Variants in TTC6 observed in about 807,000 individuals in gnomAD.
The protein encoded by TTC6 is tetratricopeptide repeat protein 6.
TTC6 carries 172 observed loss-of-function variants against 210.4 expected under a neutral mutation model. The observed-to-expected ratio is 0.82, with a 90% CI of 0.72 to 0.93. The LOEUF (loss-of-function observed/expected upper bound fraction) is 0.93. Ranked by LOEUF, TTC6 falls within the 40% of genes least tolerant of loss-of-function variation. The pLI, the probability that TTC6 is intolerant of heterozygous loss-of-function variation, is 0.00. For synonymous variants in TTC6, 804 were observed against 819.6 expected, an observed-to-expected ratio of 0.98 and a Z score of 0.32; for missense variants, 2,414 against 2,318.1, an observed-to-expected ratio of 1.04 and a Z score of -0.85.
chr14:37,684,040 A>G (rs1438451255), intron 3 of TTC6, among the ~76,000 whole-genome samples: 3 of 152,016 alleles, frequency 2.0e-5, no homozygotes, highest in African/African-American at 7.2e-5. Context: ...ACTGAGGTCA[A>G]CTGGCCATTC....
intron 1 of TTC6, among the ~76,000 whole-genome samples, chr14:37,652,925 T>G (rs1428916171): frequency 6.6e-6 from 1 of 152,260 alleles, no homozygotes; most frequent in Non-Finnish European, 1.5e-5. Context: ...AAGTAGCTGC[T>G]TTTTCCTATA....
chr14:37,613,802 T>C lies in TTC6; in HGVS notation c.-155+7060T>C, dbSNP rs2095638364. Reference sequence around the variant, plus strand: ...ATTGTCCTTTAGTATCTTTAGGTTTTATAGTGAAATCCTCTTTCATTCCTG... The same window carrying C: ...ATTGTCCTTTAGTATCTTTAGGTTTCATAGTGAAATCCTCTTTCATTCCTG... On this transcript the variant is annotated intron_variant, in intron 2 of 2. Transcript: ENST00000556845. Among the ~76,000 whole-genome samples, 2 of 152,104 alleles carry C rather than the reference T, an allele frequency of 1.3e-5. 1 individual carries two copies. Among genetic ancestry groups the C allele is most frequent in the South Asian group, 4.1e-4 (2 of 4,832 alleles).
intron 6 of TTC6, 111 bp downstream of exon 8, chr14:37,714,907 G>T: frequency 9.9e-7 from 1 of 1,012,044 alleles, no homozygotes; most frequent in Non-Finnish European, 1.4e-6. Flanking sequence ...GCCAGGTGTG[G>T]TAGCTCACGC....
intron 14 of TTC6, among the ~76,000 whole-genome samples, chr14:37,786,382 G>A (rs1012606523): frequency 6.6e-6 from 1 of 152,224 alleles, no homozygotes; most frequent in African/African-American, 2.4e-5. Context: ...AGACTGCTGT[G>A]CTAGCAGTGA....
chr14:37,624,842 C>T (rs1280472974), intron 1 of TTC6, among the ~76,000 whole-genome samples: 2 of 152,020 alleles, frequency 1.3e-5, no homozygotes, highest in African/African-American at 2.4e-5. Flanking sequence ...AGGATGGTCT[C>T]GATCTCCTGA....
Position 37,682,757 on chromosome 14 carries a change from G to A in TTC6, c.1051-1G>A. 1 of 1,535,022 alleles carries A rather than the reference G, an allele frequency of 6.5e-7. No individual in the cohort carries two copies. Among genetic ancestry groups the A allele is most frequent in the Non-Finnish European group, 8.7e-7 (1 of 1,146,332 alleles). ...TCTTGCACATTTACTTTTTCCAACA[G>A]AGCGTGCATAAGGAACTTTCTGAAA... On this transcript the variant is annotated splice_acceptor_variant, in intron 2 of 30. Transcript: ENST00000553443. LOFTEE classifies it high-confidence loss of function.
chr14:37,790,774 A>G (rs989949992), exon 16 of TTC6: 3 of 1,534,594 alleles, frequency 2.0e-6, no homozygotes, highest in Non-Finnish European at 2.6e-6. Flanking sequence ...GGAATAGTCT[A>G]TGCACATCTA....
At chr14:37,795,426 C>T (rs1226380161) in intron 18 of TTC6, 74 bp downstream of exon 20, 23 of 960,750 alleles carry the variant, frequency 2.4e-5, no homozygotes, top group Non-Finnish European at 3.1e-5. Flanking sequence ...CTTCAGTTCC[C>T]TCTTGAACCT....
At chr14:37,599,356 T>G (rs2095610835) in intron 1 of TTC6, among the ~76,000 whole-genome samples, 1 of 152,240 alleles carries the variant, frequency 6.6e-6, no homozygotes, top group South Asian at 2.1e-4. Flanking sequence ...GACGGGCCTT[T>G]GCAGGCAGTT....
intron 1 of TTC6, among the ~76,000 whole-genome samples, chr14:37,630,349 T>C (rs563787003): frequency 6.6e-6 from 1 of 152,332 alleles, no homozygotes; most frequent in Admixed American, 6.5e-5. Context: ...CCAGTAGTCA[T>C]TCAGGAGCAG....
chr14:37,668,271 AG>A (rs1440806806), intron 1 of TTC6, among the ~76,000 whole-genome samples: 3 of 150,564 alleles, frequency 2.0e-5, no homozygotes, highest in African/African-American at 7.3e-5. Context: ...TCTATTCACC[AG>A]TTGTATCAGT....
chr14:37,737,842 T>C lies in TTC6; in HGVS notation c.1983+108T>C, dbSNP rs530869766. On this transcript the variant is annotated intron_variant, in intron 9 of 30. Coordinates refer to ENST00000553443, the Ensembl canonical transcript of TTC6. ...GCATCTACTTCTATATTATATTCTC[T>C]AGTCTAATTACATATTGAGTTTTAT... 651 of 558,102 alleles carry C rather than the reference T, an allele frequency of 1.2e-3. 3 individuals are homozygous for C. Among genetic ancestry groups the C allele is most frequent in the South Asian group, 6.7e-3 (209 of 31,338 alleles). The allele number at this position is 558,102 out of a possible 1,614,324, so 34.6% of individuals were successfully genotyped here.
intron 1 of TTC6, among the ~76,000 whole-genome samples, chr14:37,657,030 C>T (rs1168523330): frequency 1.3e-5 from 2 of 151,610 alleles, no homozygotes; most frequent in African/African-American, 4.8e-5. Context: ...GCCAACATGG[C>T]GAAACCCCGT....
chr14:37,762,977 C>T (rs1260137719), intron 14 of TTC6, among the ~76,000 whole-genome samples: 6 of 151,030 alleles, frequency 4.0e-5, no homozygotes, highest in East Asian at 2.0e-4. Context: ...CTCCACCTCC[C>T]GGGTTCACGC....
At chr14:37,766,989 C>T (rs1272946470) in intron 14 of TTC6, among the ~76,000 whole-genome samples, 1 of 151,986 alleles carries the variant, frequency 6.6e-6, no homozygotes, top group African/African-American at 2.4e-5. Flanking sequence ...GTGATGTTCC[C>T]CTTCCTGTGT....
chr14:37,619,070 G>A (rs988346540), upstream of TTC6, among the ~76,000 whole-genome samples: 5 of 152,042 alleles, frequency 3.3e-5, no homozygotes, highest in African/African-American at 7.2e-5. Flanking sequence ...TATGCGGGGC[G>A]GGGGGATTAT....
At chr14:37,595,821 T>A (rs372627745), upstream of TTC6, 11 of 152,200 alleles carry the variant, frequency 7.2e-5, no homozygotes, top group East Asian at 9.7e-4. Context: ...GACTGGAGAA[T>A]ACAGACTTTT....
At chr14:37,615,999 C>G (rs997002683) in intron 2 of TTC6, among the ~76,000 whole-genome samples, 3 of 152,180 alleles carry the variant, frequency 2.0e-5, no homozygotes, top group African/African-American at 7.2e-5. Flanking sequence ...TAGGTTCTGT[C>G]ATATCCTTTC....
At chr14:37,615,612 T>G (rs2095641502) in intron 2 of TTC6, among the ~76,000 whole-genome samples, 1 of 152,120 alleles carries the variant, frequency 6.6e-6, no homozygotes, top group Non-Finnish European at 1.5e-5. Context: ...ATTTTTATTT[T>G]TTTAATTTCT....
Sources: gnomAD v4.1 joint callset for allele counts (sites outside exome capture counted in the v4.1 genomes callset) on GRCh38, gnomAD v4.1.1 for gene constraint, MANE v1.5 for transcripts, NCBI Gene and HGNC (gene_info 2026-07-23, HGNC 2026-07-21) for gene names.